The following ERGIC1 variants were observed in gnomAD, a reference collection of about 807,000 sequenced individuals.
The protein encoded by ERGIC1 is endoplasmic reticulum-Golgi intermediate compartment protein 1.
ERGIC1 carries 19 observed loss-of-function variants against 38.3 expected under a neutral mutation model. The observed-to-expected ratio is 0.50, with a 90% CI of 0.35 to 0.73. The LOEUF is 0.73. Ranked by LOEUF, ERGIC1 falls within the 30% of genes least tolerant of loss-of-function variation. The pLI, the probability that ERGIC1 is intolerant of heterozygous loss-of-function variation, is 0.01. For synonymous variants in ERGIC1, 124 were observed against 157.6 expected, an observed-to-expected ratio of 0.79 and a Z score of 1.60; for missense variants, 294 against 389.2, an observed-to-expected ratio of 0.76 and a Z score of 2.06.
At chr5:172,896,247 G>A (rs1227492999) in intron 2 of ERGIC1, among the ~76,000 whole-genome samples, 1 of 152,200 alleles carries the variant, frequency 6.6e-6, no homozygotes, top group East Asian at 1.9e-4. Context: ...GGAGGCTGAG[G>A]CAGAAGAATC....
intron 1 of ERGIC1, among the ~76,000 whole-genome samples, chr5:172,840,656 C>T (rs944092951): frequency 6.6e-6 from 1 of 152,142 alleles, no homozygotes; most frequent in Middle Eastern, 3.2e-3. Flanking sequence ...TCCTGCATGA[C>T]CTTCGGCAAC....
At chr5:172,943,723 T>C (rs1200869197) in intron 9 of ERGIC1, among the ~76,000 whole-genome samples, 3 of 152,148 alleles carry the variant, frequency 2.0e-5, no homozygotes, top group Non-Finnish European at 4.4e-5. Context: ...GAGTGTTTAC[T>C]CCAAAGCCCA....
intron 1 of ERGIC1, among the ~76,000 whole-genome samples, chr5:172,884,501 C>T (rs1016184812): frequency 1.1e-4 from 16 of 152,180 alleles, no homozygotes; most frequent in Non-Finnish European, 1.5e-4. Flanking sequence ...GCGATCCCCC[C>T]ACCTGGGCCT....
At chr5:172,855,412 A>G (rs1373561788) in intron 1 of ERGIC1, among the ~76,000 whole-genome samples, 1 of 152,168 alleles carries the variant, frequency 6.6e-6, no homozygotes, top group African/African-American at 2.4e-5. Flanking sequence ...TCACTCAGTC[A>G]TGTAAGAGAT....
At chr5:172,853,721 C>A (rs1367335490) in intron 1 of ERGIC1, among the ~76,000 whole-genome samples, 1 of 152,196 alleles carries the variant, frequency 6.6e-6, no homozygotes, top group Non-Finnish European at 1.5e-5. Flanking sequence ...GAGCCTTGGG[C>A]CTTACAGTTC....
intron 4 of ERGIC1, among the ~76,000 whole-genome samples, chr5:172,912,375 G>C (rs1393093939): frequency 6.6e-6 from 1 of 152,134 alleles, no homozygotes; most frequent in Non-Finnish European, 1.5e-5. Flanking sequence ...CTTCCCCACA[G>C]GGGTGTTTAA....
At chr5:172,835,418 C>T (rs971753919) in intron 1 of ERGIC1, among the ~76,000 whole-genome samples, 2 of 152,198 alleles carry the variant, frequency 1.3e-5, no homozygotes, top group African/African-American at 4.8e-5. Context: ...GTTTCACCAC[C>T]TGCAAATTGG....
At chr5:172,898,925 A>G (rs1460916367) in intron 3 of ERGIC1, among the ~76,000 whole-genome samples, 1 of 152,174 alleles carries the variant, frequency 6.6e-6, no homozygotes. Flanking sequence ...AGCTCGAAGC[A>G]GGGAGAGCGG....
intron 3 of ERGIC1, among the ~76,000 whole-genome samples, chr5:172,908,300 C>CGGGGGGGGGGGGGGGGGGGGGGGGGGG (rs374463442): frequency 5.8e-5 from 1 of 17,144 alleles, no homozygotes; most frequent in Non-Finnish European, 9.3e-5. Context: ...GAGGCTGAGG[C>CGGGGGGGGGGGGGGGGGGGGGGGGGGG]GGGGGCGGGG....
At chr5:172,853,874 G>T (rs964568641) in intron 1 of ERGIC1, among the ~76,000 whole-genome samples, 9 of 152,182 alleles carry the variant, frequency 5.9e-5, no homozygotes, top group African/African-American at 1.9e-4. Flanking sequence ...TGATCAGTTC[G>T]TTTATCTCAC....
At chr5:172,852,834 T>C (rs1327998472) in intron 1 of ERGIC1, among the ~76,000 whole-genome samples, 1 of 152,246 alleles carries the variant, frequency 6.6e-6, no homozygotes, top group African/African-American at 2.4e-5. Context: ...TCAGCACATG[T>C]GGCTGTGATG....
chr5:172,917,914 A>G (rs1490649830), intron 5 of ERGIC1: 1 of 152,240 alleles, frequency 6.6e-6, no homozygotes, highest in African/African-American at 2.4e-5. Context: ...CACACCTGTA[A>G]TCCCAGCACT....
At chr5:172,920,494 A>C (rs1763483906) in intron 5 of ERGIC1, 3 of 716,342 alleles carry the variant, frequency 4.2e-6, no homozygotes, top group Non-Finnish European at 7.8e-6. Context: ...GGTGAGGGGT[A>C]TGGGGCCTGG....
At chr5:172,885,962 C>T (rs1762407366) in intron 1 of ERGIC1, among the ~76,000 whole-genome samples, 2 of 152,136 alleles carry the variant, frequency 1.3e-5, no homozygotes, top group Admixed American at 1.3e-4. Context: ...CTCTTGGACA[C>T]TCAGAAGGTC....
rs55657045 is a variant in ERGIC1, at chr5:172,865,051, CTTTTTTTTTTT to C, written c.21-23635_21-23625del. Among the ~76,000 whole-genome samples, 4 of 93,852 alleles carry C rather than the reference CTTTTTTTTTTT, an allele frequency of 4.3e-5. No homozygotes were observed. In the South Asian group the frequency reaches 1.5e-3, roughly 35 times the overall value. The allele number at this position is 93,852 out of a possible 152,430, so 61.6% of individuals were successfully genotyped here. On this transcript the variant is annotated intron_variant, in intron 1 of 9. Coordinates refer to ENST00000393784, the MANE Select transcript of ERGIC1 (RefSeq NM_001031711.3). ...TATCAAATTGCTATAGAAAGAAATT[CTTTTTTTTTTT>C]TTTTTTTTTTTTGAGACAGTCTCAC... is the stretch of plus-strand genomic sequence containing the variant.
intron 1 of ERGIC1, among the ~76,000 whole-genome samples, chr5:172,838,823 C>T (rs1388637784): frequency 6.6e-6 from 1 of 152,196 alleles, no homozygotes; most frequent in Non-Finnish European, 1.5e-5. Flanking sequence ...CCACAGGGAC[C>T]TCTGAGCACA....
At chr5:172,841,436 C>G (rs565476624) in intron 1 of ERGIC1, among the ~76,000 whole-genome samples, 2 of 152,354 alleles carry the variant, frequency 1.3e-5, no homozygotes, top group East Asian at 3.9e-4. Flanking sequence ...ATCCTCATGC[C>G]CTTGACAATT....
chr5:172,851,669 G>C (rs1456416445), intron 1 of ERGIC1, among the ~76,000 whole-genome samples: 1 of 152,120 alleles, frequency 6.6e-6, no homozygotes, highest in Non-Finnish European at 1.5e-5. Context: ...AGGTGGGGGG[G>C]TATGGTCACC....
At chr5:172,866,542 C>G (rs1263117163) in intron 1 of ERGIC1, among the ~76,000 whole-genome samples, 2 of 152,238 alleles carry the variant, frequency 1.3e-5, no homozygotes, top group African/African-American at 2.4e-5. Flanking sequence ...AGGGGAAGCA[C>G]TCCCCCATGG....
Sources: gnomAD v4.1 joint callset for allele counts (sites outside exome capture counted in the v4.1 genomes callset) on GRCh38, gnomAD v4.1.1 for gene constraint, MANE v1.5 for transcripts, NCBI Gene and HGNC (gene_info 2026-07-23, HGNC 2026-07-21) for gene names.